The following GRIP1 variants were observed in gnomAD, a reference collection of about 807,000 sequenced individuals.
GRIP1 encodes the protein glutamate receptor-interacting protein 1.
Under a neutral mutation model 129.9 loss-of-function variants are expected in GRIP1, and 45 were observed. The ratio of observed to expected loss-of-function variants is 0.35; its 90% CI spans 0.27 to 0.44. The LOEUF (loss-of-function observed/expected upper bound fraction) is 0.44. GRIP1 is among the 20% of genes least tolerant of loss of function. GRIP1 has a pLI of 1.00. For missense variants in GRIP1, 1,196 were observed against 1,396.8 expected, an observed-to-expected ratio of 0.86 and a Z score of 2.29; for synonymous variants, 530 against 520.8, an observed-to-expected ratio of 1.02 and a Z score of -0.24.
At chr12:66,459,869 T>C (rs2059082843) in intron 9 of GRIP1, among the ~76,000 whole-genome samples, 1 of 152,230 alleles carries the variant, frequency 6.6e-6, no homozygotes, top group African/African-American at 2.4e-5. Context: ...AGTTTAATAA[T>C]AAGATGTTAC....
At chr12:67,065,082 T>A (rs937847357) in intron 1 of GRIP1, 5 of 152,156 alleles carry the variant, frequency 3.3e-5, no homozygotes, top group Admixed American at 2.6e-4. Flanking sequence ...GGACATGAAC[T>A]CATCATTTTT....
chr12:66,755,309 C>T (rs1308700296), intron 1 of GRIP1, among the ~76,000 whole-genome samples: 1 of 152,098 alleles, frequency 6.6e-6, no homozygotes, highest in African/African-American at 2.4e-5. Context: ...CTAACTAGGA[C>T]TCACTTTATT....
At chr12:66,448,536 G>T (rs994514575) in intron 11 of GRIP1, among the ~76,000 whole-genome samples, 1 of 151,844 alleles carries the variant, frequency 6.6e-6, no homozygotes, top group Non-Finnish European at 1.5e-5. Context: ...GATATGATGA[G>T]GCCCCAACTT....
At chr12:66,930,603 T>G (rs1212858995) in intron 1 of GRIP1, among the ~76,000 whole-genome samples, 1 of 152,162 alleles carries the variant, frequency 6.6e-6, no homozygotes, top group East Asian at 1.9e-4. Flanking sequence ...GACTCTCCCC[T>G]CACTAGTCAA....
chr12:66,546,419 G>C (rs1763464819), intron 2 of GRIP1, among the ~76,000 whole-genome samples: 1 of 152,024 alleles, frequency 6.6e-6, no homozygotes, highest in Admixed American at 6.6e-5. Flanking sequence ...GAGCCTGGGA[G>C]GTCAAGGCTG....
chr12:66,433,170 A>G (rs554677881), intron 13 of GRIP1, among the ~76,000 whole-genome samples: 1 of 152,210 alleles, frequency 6.6e-6, no homozygotes, highest in Non-Finnish European at 1.5e-5. Flanking sequence ...ATGGTTGCTG[A>G]TTGGGCAGTG....
intron 1 of GRIP1, among the ~76,000 whole-genome samples, chr12:66,655,072 T>C (rs1398593997): frequency 6.6e-6 from 1 of 152,252 alleles, no homozygotes; most frequent in African/African-American, 2.4e-5. Context: ...GTATATCTTT[T>C]GTTAAAATTG....
chr12:66,847,067 G>A (rs1022882669), intron 1 of GRIP1, among the ~76,000 whole-genome samples: 1 of 152,146 alleles, frequency 6.6e-6, no homozygotes, highest in South Asian at 2.1e-4. Context: ...TTAATCAGCT[G>A]CTCCATAAGG....
At chr12:66,534,456 C>T (rs1307956618) in intron 4 of GRIP1, among the ~76,000 whole-genome samples, 1 of 152,152 alleles carries the variant, frequency 6.6e-6, no homozygotes, top group Non-Finnish European at 1.5e-5. Flanking sequence ...AATCTAAATA[C>T]TCAGATCTTA....
At chr12:66,653,408 G>T (rs1308148065) in intron 1 of GRIP1, among the ~76,000 whole-genome samples, 1 of 152,192 alleles carries the variant, frequency 6.6e-6, no homozygotes. Context: ...TCCCCTGGAA[G>T]TATCACCTAG....
intron 1 of GRIP1, among the ~76,000 whole-genome samples, chr12:66,982,359 G>A (rs778368377): frequency 6.6e-6 from 1 of 152,136 alleles, no homozygotes; most frequent in Non-Finnish European, 1.5e-5. Flanking sequence ...CCCACCTCCT[G>A]ATATTCATGT....
At chr12:66,743,429 G>C (rs1009280450) in intron 1 of GRIP1, among the ~76,000 whole-genome samples, 2 of 152,088 alleles carry the variant, frequency 1.3e-5, no homozygotes, top group Non-Finnish European at 2.9e-5. Flanking sequence ...TAGGGGTCAT[G>C]AGGAGGAACC....
In GRIP1 at chr12:66,589,194, T is replaced by TTCTCTCTCTCTCTC. The variant is rs10582806; in HGVS notation, c.136+7639_136+7652dup. On this transcript the variant is annotated intron_variant, in intron 2 of 24. Transcript: ENST00000359742. ...TGTATAATTATTCCCCTCCCCCACCTTCTCTCTCTCTCTCTCTCTCTCTCT... is the reference window on the plus strand; with the variant it reads ...TGTATAATTATTCCCCTCCCCCACCTTCTCTCTCTCTCTCTCTCTCTCTCTCTCTCTCTCTCTCT... 6.8e-3 allele frequency among the ~76,000 whole-genome samples: 652 copies of TTCTCTCTCTCTCTC among 95,594 alleles called. 11 individuals carry two copies. Among genetic ancestry groups the TTCTCTCTCTCTCTC allele is most frequent in the African/African-American group, 0.027 (605 of 22,184 alleles). The allele number at this position is 95,594 out of a possible 152,430, so 62.7% of individuals were successfully genotyped here.
intron 1 of GRIP1, among the ~76,000 whole-genome samples, chr12:66,791,371 A>G (rs1480697464): frequency 6.6e-6 from 1 of 152,152 alleles, no homozygotes; most frequent in Non-Finnish European, 1.5e-5. Flanking sequence ...AGGGAAAGGG[A>G]AAGAGAGTGG....
upstream of GRIP1, among the ~76,000 whole-genome samples, chr12:66,684,125 G>C (rs1018976183): frequency 5.9e-5 from 9 of 152,178 alleles, no homozygotes; most frequent in African/African-American, 2.2e-4. Flanking sequence ...CTAGAACAGA[G>C]AGCAGTAACA....
chr12:66,984,404 T>C (rs970778893), intron 1 of GRIP1, among the ~76,000 whole-genome samples: 5 of 152,218 alleles, frequency 3.3e-5, no homozygotes, highest in African/African-American at 9.6e-5. Flanking sequence ...TGTGGGTTGA[T>C]TGCTCTCAAC....
intron 7 of GRIP1, among the ~76,000 whole-genome samples, chr12:66,502,179 T>C (rs1188528844): frequency 6.6e-6 from 1 of 152,180 alleles, no homozygotes; most frequent in Non-Finnish European, 1.5e-5. Context: ...TCTGAGATGA[T>C]ATAGTCTGGT....
At chr12:67,038,349 T>A (rs986957114) in intron 1 of GRIP1, among the ~76,000 whole-genome samples, 1 of 152,226 alleles carries the variant, frequency 6.6e-6, no homozygotes, top group Admixed American at 6.5e-5. Context: ...ATTCTTATAA[T>A]AAATTCTCTC....
intron 7 of GRIP1, among the ~76,000 whole-genome samples, chr12:66,483,894 C>G (rs533540074): frequency 7.3e-5 from 11 of 150,708 alleles, no homozygotes; most frequent in African/African-American, 2.4e-4. Context: ...GAGTCTCGCT[C>G]TGTCGCCCAG....
Sources: gnomAD v4.1 joint callset for allele counts (sites outside exome capture counted in the v4.1 genomes callset) on GRCh38, gnomAD v4.1.1 for gene constraint, MANE v1.5 for transcripts, NCBI Gene and HGNC (gene_info 2026-07-23, HGNC 2026-07-21) for gene names.